HTR3B: variants seen among roughly 807,000 people sequenced by gnomAD.
HTR3B encodes 5-hydroxytryptamine (serotonin) receptor 3B, ionotropic.
In HTR3B, 44 loss-of-function variants were observed where a neutral mutation model predicts 42.8. That is an observed-to-expected ratio of 1.03 (90% CI 0.81 to 1.32). HTR3B has a LOEUF of 1.32. Among genes scored for constraint, HTR3B ranks in the 40% most tolerant of loss-of-function variants. The probability of loss-of-function intolerance (pLI) is 0.00; values close to 1 mark genes in which losing one functional copy is unlikely to be tolerated. For missense variants in HTR3B, 527 were observed against 536.5 expected (o/e 0.98, Z 0.17); for synonymous variants, 203 against 209.0 (o/e 0.97, Z 0.25).
intron 2 of HTR3B, among the ~76,000 whole-genome samples, chr11:113,916,339 A>T (rs1400141006): frequency 5.9e-5 from 9 of 152,188 alleles, no homozygotes; most frequent in Admixed American, 4.6e-4. Flanking sequence ...TTATTTTATT[A>T]TCAGGTTACA....
At position 113,944,626 on chromosome 11, in the gene HTR3B, A is replaced by G. The variant is rs1020453148; in HGVS notation, c.961A>G (p.Ile321Val). ...CTTGGTTCTCAGCTTAGCTAAGTCC[A>G]TCGTGTTGGTCAAATTCCTCCATGA... ...AFLVLSLAKS[I>V]VLVKFLHDEQ... The change falls in exon 8 of 9, where the codon ATC becomes GTC. Residue 321 changes from isoleucine to valine, a missense_variant. Physicochemically the swap from Ile to Val is conservative, Grantham distance 29. Coordinates refer to ENST00000260191, the MANE Select transcript of HTR3B (RefSeq NM_006028.5). 6.2e-7 allele frequency: 1 copy of G among 1,614,130 alleles called. No individual in the cohort carries two copies. The highest frequency in any genetic ancestry group is 2.2e-5 in the East Asian group (1 of 44,864).
At chr11:113,899,646 T>TA in the HTR3B span, among the ~76,000 whole-genome samples, 17 of 152,250 alleles carry the variant, frequency 1.1e-4, no homozygotes, top group Admixed American at 1.3e-4. Context: ...TAGCAGTAAT[T>TA]AAAAACTATT....
At chr11:113,899,144 A>G in the HTR3B span, among the ~76,000 whole-genome samples, 6 of 152,094 alleles carry the variant, frequency 3.9e-5, no homozygotes, top group Admixed American at 3.9e-4. Context: ...CCCATAGAAA[A>G]CCATGACACA....
At chr11:113,945,225 C>T (rs1004692441) in intron 8 of HTR3B, among the ~76,000 whole-genome samples, 11 of 152,250 alleles carry the variant, frequency 7.2e-5, no homozygotes, top group African/African-American at 1.2e-4. Flanking sequence ...GCCTCTGCCT[C>T]CCAGGCTCAA....
At chr11:113,931,907 C>A in intron 4 of HTR3B, 40 bp downstream of exon 4, 1 of 1,183,176 alleles carries the variant, frequency 8.5e-7, no homozygotes, top group Non-Finnish European at 1.3e-6. Flanking sequence ...GTTTAGACTG[C>A]TTGGTATAGT....
At position 113,947,148 on chromosome 11, in the gene HTR3B, G is replaced by A. The variant is rs1283818015; in HGVS notation, c.*1011G>A. 6.6e-6 allele frequency among the ~76,000 whole-genome samples: 1 copy of A among 151,406 alleles called. No homozygotes were observed. The highest frequency in any genetic ancestry group is 1.5e-5 in the Non-Finnish European group (1 of 67,938). ...GAGGCAGAGTCTTGCTCTGTCACCA[G>A]ATTGGAGTGCAGTGGTGCAATCTTG... is the stretch of plus-strand genomic sequence containing the variant. On this transcript the variant is annotated 3_prime_UTR_variant, in exon 9 of 9. Transcript: ENST00000260191.
At chr11:113,940,953 G>C (rs1422570792) in intron 6 of HTR3B, among the ~76,000 whole-genome samples, 1 of 152,192 alleles carries the variant, frequency 6.6e-6, no homozygotes, top group South Asian at 2.1e-4. Flanking sequence ...AAAGCACTGG[G>C]CTTGGAATCG....
At chr11:113,908,171 C>T (rs1949748008) in intron 1 of HTR3B, among the ~76,000 whole-genome samples, 1 of 152,170 alleles carries the variant, frequency 6.6e-6, no homozygotes, top group Admixed American at 6.5e-5. Context: ...ATTGTACCTC[C>T]AGCATTGTTG....
intron 2 of HTR3B, among the ~76,000 whole-genome samples, chr11:113,929,375 C>T (rs1565562739): frequency 6.6e-6 from 1 of 151,998 alleles, no homozygotes; most frequent in African/African-American, 2.4e-5. Context: ...GGGAGTCCAA[C>T]ATCAGGTTCT....
chr11:113,934,764 T>TTC (rs1950074731), intron 6 of HTR3B, among the ~76,000 whole-genome samples: 1 of 151,548 alleles, frequency 6.6e-6, no homozygotes, highest in South Asian at 2.1e-4. Flanking sequence ...GCAAGCTTTT[T>TTC]TTTTTTTTAA....
intron 6 of HTR3B, among the ~76,000 whole-genome samples, chr11:113,942,531 A>C (rs1350759430): frequency 2.0e-5 from 3 of 152,256 alleles, no homozygotes. Context: ...GTTTCAAAAC[A>C]GTTTCTCACT....
chr11:113,944,490 G>C, intron 7 of HTR3B, 83 bp from the exon 8 acceptor site: 1 of 1,341,744 alleles, frequency 7.5e-7, no homozygotes, highest in East Asian at 2.3e-5. Context: ...AATAGAGCAA[G>C]ACCCTGTCCC....
intron 2 of HTR3B, among the ~76,000 whole-genome samples, chr11:113,911,101 C>T (rs564480395): frequency 2.0e-5 from 3 of 152,072 alleles, no homozygotes; most frequent in Admixed American, 1.3e-4. Context: ...GCTGGGATTA[C>T]AGGCGTGAGC....
chr11:113,943,797 A>AATG (rs1476836888), intron 7 of HTR3B, among the ~76,000 whole-genome samples: 23 of 151,448 alleles, frequency 1.5e-4, no homozygotes, highest in African/African-American at 4.9e-4. Context: ...TGGGTGACAG[A>AATG]GCAAGAACGG....
chr11:113,922,812 C>T (rs954589580), intron 2 of HTR3B, among the ~76,000 whole-genome samples: 4 of 152,168 alleles, frequency 2.6e-5, no homozygotes, highest in African/African-American at 4.8e-5. Flanking sequence ...GCCTTGGCCT[C>T]CCAAAGTGCT....
At chr11:113,918,931 A>G (rs1244902030) in intron 2 of HTR3B, among the ~76,000 whole-genome samples, 1 of 152,170 alleles carries the variant, frequency 6.6e-6, no homozygotes, top group Non-Finnish European at 1.5e-5. Flanking sequence ...TGTTGGAATT[A>G]CAGGTATGAG....
At chr11:113,941,585 C>G (rs924014307) in intron 6 of HTR3B, among the ~76,000 whole-genome samples, 2 of 152,164 alleles carry the variant, frequency 1.3e-5, no homozygotes, top group Admixed American at 6.5e-5. Flanking sequence ...TCCTCCACCC[C>G]CTGCATCTGT....
rs765759841 is a variant in HTR3B at position 113,932,926 on chromosome 11, T to A, written c.539-10T>A. The A allele has an allele frequency of 6.2e-7, 1 of 1,612,588 alleles. No individual in the cohort carries two copies. The highest frequency in any genetic ancestry group is 8.5e-7 in the Non-Finnish European group (1 of 1,179,420). ...TCTCTGGGAAAGTCAATTGTTTGTG[T>A]TGTTTGCAGTGGAAGACGTAGACCT... On this transcript the variant is annotated splice_polypyrimidine_tract_variant and intron_variant, in intron 5 of 8. Transcript: ENST00000260191.
rs994019225 is a variant in HTR3B at position 113,948,592 on chromosome 11, G to T, written c.*2455G>T. On this transcript the variant is annotated 3_prime_UTR_variant, in exon 9 of 9. Transcript: ENST00000260191. Reference sequence around the variant, plus strand: ...CTTTGAAAAGTAAATAATGGGGCGTGGTGGCTCACGCCTATAATCCCAACA... The same window carrying T: ...CTTTGAAAAGTAAATAATGGGGCGTTGTGGCTCACGCCTATAATCCCAACA... 1.3e-5 allele frequency among the ~76,000 whole-genome samples: 2 copies of T among 152,238 alleles called. No individual in the cohort carries two copies. The highest frequency in any genetic ancestry group is 4.8e-5 in the African/African-American group (2 of 41,466).
Sources: allele counts gnomAD v4.1 joint callset (sites outside exome capture counted in the v4.1 genomes callset), GRCh38; gene constraint gnomAD v4.1.1; transcripts MANE v1.5; gene names NCBI Gene and HGNC (gene_info 2026-07-23, HGNC 2026-07-21).